The following NDST4 variants were observed in gnomAD, a reference collection of about 807,000 sequenced individuals.
NDST4 encodes the protein N-heparan sulfate sulfotransferase 4.
Under a neutral mutation model 100.8 loss-of-function variants are expected in NDST4, and 63 were observed. The ratio of observed to expected loss-of-function variants is 0.62; its 90% CI spans 0.51 to 0.77. NDST4 has a LOEUF of 0.77. Ranked by LOEUF, NDST4 falls within the 30% of genes least tolerant of loss-of-function variation. The pLI is 0.00. For synonymous variants in NDST4, 377 were observed against 361.8 expected, an observed-to-expected ratio of 1.04 and a Z score of -0.48; for missense variants, 943 against 1,018.4, an observed-to-expected ratio of 0.93 and a Z score of 1.01.
chr4:115,050,825 T>G (rs565833821), intron 2 of NDST4, among the ~76,000 whole-genome samples: 2 of 152,214 alleles, frequency 1.3e-5, no homozygotes, highest in Admixed American at 6.5e-5. Context: ...TGCATTAAAT[T>G]CTTATGACTA....
chr4:115,026,077 C>A (rs957612276), intron 2 of NDST4, among the ~76,000 whole-genome samples: 2 of 151,998 alleles, frequency 1.3e-5, no homozygotes, highest in African/African-American at 2.4e-5. Context: ...TGCTCTAGTT[C>A]TAGAATAATT....
At chr4:115,045,024 T>A (rs936710189) in intron 2 of NDST4, among the ~76,000 whole-genome samples, 1 of 151,832 alleles carries the variant, frequency 6.6e-6, no homozygotes, top group African/African-American at 2.4e-5. Context: ...GTTGGTAGAG[T>A]AATTTTATTA....
intron 2 of NDST4, among the ~76,000 whole-genome samples, chr4:115,056,752 A>G (rs1467570681): frequency 6.6e-6 from 1 of 152,184 alleles, no homozygotes; most frequent in African/African-American, 2.4e-5. Context: ...CAGTTTATAG[A>G]CTGTCAAGAC....
chr4:114,880,832 A>C (rs1285794061), intron 6 of NDST4, among the ~76,000 whole-genome samples: 1 of 152,150 alleles, frequency 6.6e-6, no homozygotes, highest in East Asian at 1.9e-4. Flanking sequence ...TACTGATCTA[A>C]GACTTGCAGA....
At chr4:115,071,854 T>G (rs1477900456) in intron 2 of NDST4, among the ~76,000 whole-genome samples, 2 of 152,040 alleles carry the variant, frequency 1.3e-5, no homozygotes, top group Non-Finnish European at 2.9e-5. Flanking sequence ...AAGCAAAAAC[T>G]GTGACTAGAA....
chr4:114,970,389 C>A, intron 4 of NDST4, 41 bp downstream of exon 4: 2 of 1,570,152 alleles, frequency 1.3e-6, no homozygotes, highest in Non-Finnish European at 1.7e-6. Flanking sequence ...CACAAGATCA[C>A]AACTTATAGT....
At chr4:114,866,535 G>C (rs1724029329) in intron 7 of NDST4, among the ~76,000 whole-genome samples, 1 of 152,044 alleles carries the variant, frequency 6.6e-6, no homozygotes, top group Admixed American at 6.6e-5. Flanking sequence ...CTTGTTCTTT[G>C]TACACACAGC....
At chr4:114,986,832 A>ATATATATTTTTTTTTTTTT in intron 2 of NDST4, among the ~76,000 whole-genome samples, 1 of 94,664 alleles carries the variant, frequency 1.1e-5, no homozygotes, top group Non-Finnish European at 2.2e-5. Context: ...ATATATATAT[A>ATATATATTTTTTTTTTTTT]TTTTAATATA....
At chr4:115,059,308 C>G (rs1728768850) in intron 2 of NDST4, among the ~76,000 whole-genome samples, 1 of 151,954 alleles carries the variant, frequency 6.6e-6, no homozygotes, top group African/African-American at 2.4e-5. Flanking sequence ...TGAAAGTTAC[C>G]TTTTGTCTCA....
intron 6 of NDST4, among the ~76,000 whole-genome samples, chr4:114,922,337 G>T (rs2126219528): frequency 6.6e-6 from 1 of 152,236 alleles, no homozygotes; most frequent in African/African-American, 2.4e-5. Flanking sequence ...AAGTGAGCAT[G>T]CATATAGCTT....
At chr4:114,883,291 A>G (rs2126202357) in intron 6 of NDST4, among the ~76,000 whole-genome samples, 1 of 152,236 alleles carries the variant, frequency 6.6e-6, no homozygotes, top group South Asian at 2.1e-4. Flanking sequence ...GATTAACAGA[A>G]ATGTCATAAG....
chr4:114,828,395 T>C (rs1723126655), intron 13 of NDST4, among the ~76,000 whole-genome samples: 1 of 152,168 alleles, frequency 6.6e-6, no homozygotes, highest in African/African-American at 2.4e-5. Flanking sequence ...AAATAATAAC[T>C]TGCAATATTA....
intron 1 of NDST4, among the ~76,000 whole-genome samples, chr4:115,109,769 G>T (rs1209165735): frequency 6.6e-6 from 1 of 151,760 alleles, no homozygotes; most frequent in East Asian, 1.9e-4. Context: ...GTATGTAAAT[G>T]ACCTCAAAGG....
intron 10 of NDST4, among the ~76,000 whole-genome samples, chr4:114,840,737 G>A (rs1723406842): frequency 6.6e-6 from 1 of 152,170 alleles, no homozygotes; most frequent in Admixed American, 6.6e-5. Flanking sequence ...AGAAATTCTA[G>A]TGTAGGGTAA....
intron 3 of NDST4, among the ~76,000 whole-genome samples, chr4:114,973,485 C>T (rs1726561303): frequency 6.6e-6 from 1 of 151,674 alleles, no homozygotes; most frequent in Non-Finnish European, 1.5e-5. Context: ...GATCTAGATC[C>T]TGGTCTAGAT....
chr4:115,096,005 C>G (rs1208756447), intron 1 of NDST4, among the ~76,000 whole-genome samples: 2 of 151,934 alleles, frequency 1.3e-5, no homozygotes, highest in Non-Finnish European at 2.9e-5. Context: ...TTTACACTCT[C>G]TCTCTCATGG....
intron 2 of NDST4, among the ~76,000 whole-genome samples, chr4:115,023,598 AC>A (rs1257059935): frequency 6.6e-5 from 10 of 152,136 alleles, no homozygotes; most frequent in African/African-American, 1.9e-4. Context: ...CAAGAGAGAA[AC>A]AAAGAATTAA....
Position 114,977,146 on chromosome 4 carries a change from A to G in NDST4, c.1066+41T>C, listed in dbSNP as rs188310185. Reference sequence around the variant, plus strand: ...ATGAATCATTCAAAATTTATTTCCTATTTATATGTAGCTGCCTGAGAACAC... The same window carrying G: ...ATGAATCATTCAAAATTTATTTCCTGTTTATATGTAGCTGCCTGAGAACAC... On this transcript the variant is annotated intron_variant, in intron 3 of 13. Transcript: ENST00000264363. 8 of 1,211,354 alleles carry G rather than the reference A, an allele frequency of 6.6e-6. No homozygotes were observed. The East Asian group carries it at 1.9e-4, about 28-fold the overall frequency. The allele number at this position is 1,211,354 out of a possible 1,614,324, so 75.0% of individuals were successfully genotyped here.
chr4:115,106,397 C>T (rs1263794012), intron 1 of NDST4, among the ~76,000 whole-genome samples: 1 of 152,012 alleles, frequency 6.6e-6, no homozygotes, highest in African/African-American at 2.4e-5. Flanking sequence ...AAAAAAGAAA[C>T]AGTCATCTCT....
Sources: allele counts gnomAD v4.1 joint callset (sites outside exome capture counted in the v4.1 genomes callset), GRCh38; gene constraint gnomAD v4.1.1; transcripts MANE v1.5; gene names NCBI Gene and HGNC (gene_info 2026-07-23, HGNC 2026-07-21).